GPC6: variants seen among roughly 807,000 people sequenced by gnomAD.
GPC6 encodes glypican 6, also known as glypican-6.
In GPC6, 14 loss-of-function variants were observed where a neutral mutation model predicts 55.2. The ratio of observed to expected loss-of-function variants is 0.25; its 90% confidence interval spans 0.17 to 0.40. The LOEUF (loss-of-function observed/expected upper bound fraction) is 0.40. Ranked by LOEUF, GPC6 falls within the 10% of genes least tolerant of loss-of-function variation. The probability of loss-of-function intolerance (pLI) is 1.00; values close to 1 mark genes in which losing one functional copy is unlikely to be tolerated. For missense variants in GPC6, 641 were observed against 708.5 expected, an observed-to-expected ratio of 0.90 and a Z score of 1.08; for synonymous variants, 278 against 259.6, an observed-to-expected ratio of 1.07 and a Z score of -0.68.
intron 1 of GPC6, among the ~76,000 whole-genome samples, chr13:93,370,135 A>G (rs1349028270): frequency 6.6e-6 from 1 of 152,064 alleles, no homozygotes; most frequent in Non-Finnish European, 1.5e-5. Context: ...ATTATTCCAG[A>G]CAGTTGTCAT....
chr13:93,833,104 T>TGA lies in GPC6; in HGVS notation c.711+2560_711+2561dup, dbSNP rs1555334989. On this transcript the variant is annotated intron_variant, in intron 3 of 8. Coordinates refer to ENST00000377047, the MANE Select transcript of GPC6 (RefSeq NM_005708.5). The stretch of plus-strand genomic sequence containing the variant: ...ATGGATGGATGGGTAGATAGGTAGA[T>TGA]GATAGAGAGAGAGAGAGAGAGAGAG... Among the ~76,000 whole-genome samples the TGA allele has an allele frequency of 1.9e-4, 12 of 61,656 alleles. No individual in the cohort carries two copies. The East Asian group carries it at 5.2e-3, about 27-fold the overall frequency. 40.4% of individuals were successfully genotyped at this position (61,656 alleles called of 152,430 possible). A position where few individuals can be genotyped will look rare whatever the true frequency, so the allele number is the denominator to read the frequency against.
At chr13:94,014,823 CATA>C (rs1882396161) in intron 3 of GPC6, among the ~76,000 whole-genome samples, 1 of 152,132 alleles carries the variant, frequency 6.6e-6, no homozygotes, top group Admixed American at 6.5e-5. Flanking sequence ...TGTCATTTAG[CATA>C]ATGTTTTCAA....
chr13:93,402,820 T>C (rs751451851), intron 1 of GPC6, among the ~76,000 whole-genome samples: 5 of 152,188 alleles, frequency 3.3e-5, no homozygotes, highest in Non-Finnish European at 5.9e-5. Flanking sequence ...TGGACCCATT[T>C]TCCAATGTAA....
Position 93,496,293 on chromosome 13 carries a change from G to A in GPC6, c.161-48970G>A, listed in dbSNP as rs973385646. ...GTGGGAGTGACCCGATTTTTCAGGT[G>A]CGTCCCTCACCCCTTTCTTTGACTC... On this transcript the variant is annotated intron_variant, in intron 1 of 8. Coordinates refer to ENST00000377047, the MANE Select transcript of GPC6 (RefSeq NM_005708.5). 9.2e-5 allele frequency among the ~76,000 whole-genome samples: 14 copies of A among 152,182 alleles called. 1 individual carries two copies. Among genetic ancestry groups the A allele is most frequent in the Non-Finnish European group, 2.1e-4 (14 of 68,038 alleles).
chr13:94,177,667 A>G (rs1476270488), intron 4 of GPC6, among the ~76,000 whole-genome samples: 3 of 152,194 alleles, frequency 2.0e-5, no homozygotes, highest in Non-Finnish European at 4.4e-5. Context: ...TTTGGACTAT[A>G]CATCATATAA....
At chr13:94,116,631 A>G (rs1430711204) in intron 4 of GPC6, among the ~76,000 whole-genome samples, 1 of 152,108 alleles carries the variant, frequency 6.6e-6, no homozygotes, top group Non-Finnish European at 1.5e-5. Flanking sequence ...CATTTTAAGC[A>G]TTGAAACAAG....
intron 4 of GPC6, among the ~76,000 whole-genome samples, chr13:94,134,522 T>G (rs1178653255): frequency 6.6e-6 from 1 of 152,252 alleles, no homozygotes; most frequent in Non-Finnish European, 1.5e-5. Flanking sequence ...TAGAACACTT[T>G]ATGCTCATAA....
At chr13:93,419,640 C>T (rs979319982) in intron 1 of GPC6, among the ~76,000 whole-genome samples, 2 of 152,096 alleles carry the variant, frequency 1.3e-5, no homozygotes, top group Non-Finnish European at 2.9e-5. Flanking sequence ...CGGATTGAAT[C>T]CAAGCCTGTA....
At chr13:93,352,932 G>T (rs976362321) in intron 1 of GPC6, among the ~76,000 whole-genome samples, 1 of 152,132 alleles carries the variant, frequency 6.6e-6, no homozygotes, top group Admixed American at 6.6e-5. Context: ...TCCTTGTGTG[G>T]TCATGGAACA....
At position 93,598,217 on chromosome 13, in the gene GPC6, C is replaced by T. The variant is rs371802091; in HGVS notation, c.319+52796C>T. ...CTGTGTAAGTGGTTGGCATCTCTAA[C>T]CCCCACAGTATTCAAGGGTCAATTA... On this transcript the variant is annotated intron_variant, in intron 2 of 8. Transcript: ENST00000377047. Among the ~76,000 whole-genome samples the T allele has an allele frequency of 2.0e-5, 3 of 152,106 alleles. No individual in the cohort carries two copies. In the South Asian group the frequency reaches 6.2e-4, roughly 32 times the overall value.
intron 1 of GPC6, among the ~76,000 whole-genome samples, chr13:93,379,343 G>A (rs1875059592): frequency 1.3e-5 from 2 of 152,144 alleles, no homozygotes; most frequent in South Asian, 4.1e-4. Flanking sequence ...AAGATACTTA[G>A]TAATTGCAGT....
intron 3 of GPC6, among the ~76,000 whole-genome samples, chr13:94,010,674 G>A (rs536172754): frequency 8.9e-4 from 135 of 152,196 alleles, no homozygotes; most frequent in Non-Finnish European, 1.5e-3. Context: ...GGGAATATTC[G>A]TAAATTATAT....
At chr13:93,510,754 T>C (rs1387214237) in intron 1 of GPC6, among the ~76,000 whole-genome samples, 13 of 151,306 alleles carry the variant, frequency 8.6e-5, no homozygotes, top group Admixed American at 8.6e-4. Context: ...ACTAGCGTGT[T>C]ACCACTAACA....
At chr13:93,931,102 C>T (rs1878147119) in intron 3 of GPC6, among the ~76,000 whole-genome samples, 1 of 152,136 alleles carries the variant, frequency 6.6e-6, no homozygotes, top group Non-Finnish European at 1.5e-5. Flanking sequence ...GATCCAGTCA[C>T]CTCCCACCAG....
intron 2 of GPC6, among the ~76,000 whole-genome samples, chr13:93,557,492 A>G (rs1875541282): frequency 1.3e-5 from 2 of 152,226 alleles, no homozygotes; most frequent in African/African-American, 2.4e-5. Context: ...AAAACATACA[A>G]TAAGAACTGT....
At chr13:94,115,043 A>G (rs550377387) in intron 4 of GPC6, among the ~76,000 whole-genome samples, 1 of 152,272 alleles carries the variant, frequency 6.6e-6, no homozygotes, top group South Asian at 2.1e-4. Context: ...GATAAGAGCC[A>G]ACTAGTTTAA....
rs141298251 is a variant in GPC6 at position 94,158,916 on chromosome 13, A to G, written c.878-127433A>G. 2.4e-3 allele frequency among the ~76,000 whole-genome samples: 358 copies of G among 151,754 alleles called. 2 individuals are homozygous for G. Among genetic ancestry groups the G allele is most frequent in the African/African-American group, 8.5e-3 (348 of 41,102 alleles). Reference sequence around the variant, plus strand: ...CATCTTTAAGATGCGTCTTATCTTTACCACTATCCCCCAATATTAATTCAC... The same window carrying G: ...CATCTTTAAGATGCGTCTTATCTTTGCCACTATCCCCCAATATTAATTCAC... On this transcript the variant is annotated intron_variant, in intron 4 of 8. Coordinates refer to ENST00000377047, the MANE Select transcript of GPC6 (RefSeq NM_005708.5).
At chr13:94,096,972 C>T (rs1277701004) in intron 4 of GPC6, among the ~76,000 whole-genome samples, 2 of 151,094 alleles carry the variant, frequency 1.3e-5, no homozygotes, top group African/African-American at 4.9e-5. Context: ...GTAGTTCTCA[C>T]AGTGATTCAT....
intron 6 of GPC6, among the ~76,000 whole-genome samples, chr13:94,326,951 G>C (rs936547850): frequency 5.3e-5 from 8 of 152,214 alleles, no homozygotes; most frequent in Admixed American, 4.6e-4. Context: ...GAAAAGGAGG[G>C]TCTACCTCCA....
Sources: gnomAD v4.1 joint callset for allele counts (sites outside exome capture counted in the v4.1 genomes callset) on GRCh38, gnomAD v4.1.1 for gene constraint, MANE v1.5 for transcripts, NCBI Gene and HGNC (gene_info 2026-07-23, HGNC 2026-07-21) for gene names.